The following SMOC1 variants were observed in gnomAD, a reference collection of about 807,000 sequenced individuals.
The protein encoded by SMOC1 is SPARC-related modular calcium-binding protein 1.
A neutral mutation model predicts 56.3 loss-of-function variants in SMOC1; 22 were observed. The observed-to-expected ratio is 0.39, with a 90% CI of 0.28 to 0.56. The LOEUF is 0.56. SMOC1 is among the 20% of genes least tolerant of loss of function. SMOC1 has a pLI of 0.61. For missense variants in SMOC1, 509 were observed against 565.4 expected, an observed-to-expected ratio of 0.90 and a Z score of 1.01; for synonymous variants, 193 against 215.0, an observed-to-expected ratio of 0.90 and a Z score of 0.89.
intron 4 of SMOC1, among the ~76,000 whole-genome samples, chr14:69,977,370 A>G (rs567914092): frequency 1.8e-4 from 28 of 152,390 alleles, no homozygotes; most frequent in African/African-American, 6.3e-4. Flanking sequence ...GGCTGTGCTT[A>G]GAAAATTGTT....
At chr14:69,991,835 G>A (rs1368823919) in intron 5 of SMOC1, among the ~76,000 whole-genome samples, 2 of 152,178 alleles carry the variant, frequency 1.3e-5, no homozygotes, top group African/African-American at 4.8e-5. Flanking sequence ...TCAGTTCCGT[G>A]TGCTGGAGAG....
At chr14:69,914,819 G>T (rs1000221685) in intron 1 of SMOC1, among the ~76,000 whole-genome samples, 2 of 152,042 alleles carry the variant, frequency 1.3e-5, no homozygotes, top group Admixed American at 1.3e-4. Context: ...TCATGCTTCT[G>T]GTGTGCTGGA....
At position 70,015,745 on chromosome 14, in the gene SMOC1, T is replaced by C. The variant is rs369935603; in HGVS notation, c.1046+2254T>C. On this transcript the variant is annotated intron_variant, in intron 10 of 11. Transcript: ENST00000361956. ...GCACTCAGCTGCTCAGTCTCCGAGA[T>C]AGAGAGGACAGCACATCCAGATCTC... Among the ~76,000 whole-genome samples, 85 of 152,004 alleles carry C rather than the reference T, an allele frequency of 5.6e-4. 2 individuals are homozygous for C. Among genetic ancestry groups the C allele is most frequent in the African/African-American group, 1.9e-3 (79 of 41,466 alleles).
At chr14:70,006,590 T>C (rs1266911468) in intron 7 of SMOC1, among the ~76,000 whole-genome samples, 1 of 152,260 alleles carries the variant, frequency 6.6e-6, no homozygotes, top group Non-Finnish European at 1.5e-5. Context: ...TTCAGTTATC[T>C]GCTGCTGTGT....
chr14:70,002,487 C>A (rs1257891428), intron 7 of SMOC1, among the ~76,000 whole-genome samples: 1 of 152,144 alleles, frequency 6.6e-6, no homozygotes, highest in Non-Finnish European at 1.5e-5. Flanking sequence ...AGTTGTCTAC[C>A]CTCTATTTGG....
At chr14:69,900,810 T>G (rs1180541459) in intron 1 of SMOC1, among the ~76,000 whole-genome samples, 1 of 152,266 alleles carries the variant, frequency 6.6e-6, no homozygotes, top group Non-Finnish European at 1.5e-5. Flanking sequence ...CACTTCTCCA[T>G]CATTGTGCTT....
At chr14:69,922,867 T>C (rs1411024387) in intron 1 of SMOC1, among the ~76,000 whole-genome samples, 1 of 152,022 alleles carries the variant, frequency 6.6e-6, no homozygotes, top group Non-Finnish European at 1.5e-5. Flanking sequence ...TGTTGTCACA[T>C]CAACTCTTAT....
chr14:69,953,498 T>G lies in SMOC1; in HGVS notation c.344T>G (p.Val115Gly). ...QAKKPQEAVF[V>G]PECGEDGSFT... ...AAGAAGCCTCAGGAAGCTGTGTTTG[T>G]CCCAGAGTGTGGCGAGGATGGCTCC... The change falls in exon 3 of 12, where the codon GTC becomes GGC. Residue 115 changes from valine (V) to glycine (G), a missense_variant. Around this residue, in one of 3 missense-constraint regions of SMOC1, gnomAD observed 315 missense variants for 333.1 expected, o/e 0.95. Transcript: ENST00000361956. The G allele has an allele frequency of 6.2e-7, 1 of 1,614,250 alleles. No individual in the cohort carries two copies. The highest frequency in any genetic ancestry group is 2.2e-5 in the East Asian group (1 of 44,884).
chr14:69,949,870 C>T (rs930359660), intron 1 of SMOC1, among the ~76,000 whole-genome samples: 6 of 152,084 alleles, frequency 3.9e-5, no homozygotes, highest in South Asian at 2.1e-4. Context: ...AGGGGCAACT[C>T]GAGGGGGGTT....
chr14:69,961,101 A>G (rs1883353496), intron 3 of SMOC1, among the ~76,000 whole-genome samples: 1 of 151,666 alleles, frequency 6.6e-6, no homozygotes, highest in Non-Finnish European at 1.5e-5. Flanking sequence ...CCACTAATCT[A>G]CTTTCTATTT....
intron 1 of SMOC1, among the ~76,000 whole-genome samples, chr14:69,881,261 C>T (rs1018492212): frequency 2.0e-5 from 3 of 152,144 alleles, no homozygotes; most frequent in South Asian, 2.1e-4. Context: ...GCGAGCCATG[C>T]GTTCCCTCCA....
rs565637502 is a variant in SMOC1 at position 70,014,247 on chromosome 14, T to C, written c.1046+756T>C. ...CTTAGCGGGGATACTAGACCATAGA[T>C]AGATACTTACAAAATCTGTGGTGAG... On this transcript the variant is annotated intron_variant, in intron 10 of 11. Transcript: ENST00000361956. 2.0e-5 allele frequency among the ~76,000 whole-genome samples: 3 copies of C among 152,282 alleles called. No homozygotes were observed. The South Asian group carries it at 6.2e-4, about 32-fold the overall frequency.
intron 3 of SMOC1, among the ~76,000 whole-genome samples, chr14:69,958,983 T>TA (rs1013544566): frequency 6.6e-6 from 1 of 152,114 alleles, no homozygotes; most frequent in African/African-American, 2.4e-5. Context: ...CACATTCTGT[T>TA]AAAAAAATTC....
chr14:69,972,076 A>G (rs1883781400), intron 3 of SMOC1, among the ~76,000 whole-genome samples: 2 of 152,198 alleles, frequency 1.3e-5, no homozygotes, highest in South Asian at 4.2e-4. Flanking sequence ...TTAACAACTA[A>G]GATAAGTATT....
chr14:69,898,762 C>T (rs965692549), intron 1 of SMOC1, among the ~76,000 whole-genome samples: 1 of 152,064 alleles, frequency 6.6e-6, no homozygotes, highest in Non-Finnish European at 1.5e-5. Flanking sequence ...CTAATAATTC[C>T]AACATCTCAG....
chr14:69,879,835 CT>C, intron 1 of SMOC1, 58 bp downstream of exon 1: 7 of 1,441,950 alleles, frequency 4.9e-6, no homozygotes, highest in Middle Eastern at 3.5e-4. Context: ...TGCTTCCCCC[CT>C]CATCCCTGAG....
chr14:69,970,611 G>C (rs1258086581), intron 3 of SMOC1, among the ~76,000 whole-genome samples: 1 of 152,222 alleles, frequency 6.6e-6, no homozygotes, highest in East Asian at 1.9e-4. Context: ...CATCATGAAA[G>C]TGGAAGGTGG....
intron 3 of SMOC1, among the ~76,000 whole-genome samples, chr14:69,963,276 A>G (rs1883449035): frequency 6.6e-6 from 1 of 152,198 alleles, no homozygotes; most frequent in South Asian, 2.1e-4. Flanking sequence ...CTGTGGTCCT[A>G]GGTTTGGAGA....
chr14:69,926,015 G>A (rs553731326), intron 1 of SMOC1, among the ~76,000 whole-genome samples: 2 of 151,042 alleles, frequency 1.3e-5, no homozygotes, highest in African/African-American at 2.4e-5. Context: ...CTCTGTCACC[G>A]AGGCCCAAGG....
Sources: gnomAD v4.1 joint callset for allele counts (sites outside exome capture counted in the v4.1 genomes callset) on GRCh38, gnomAD v4.1.1 for gene constraint, gnomAD v4.1.1 regional missense constraint, MANE v1.5 for transcripts, NCBI Gene and HGNC (gene_info 2026-07-23, HGNC 2026-07-21) for gene names.